CFH: variants seen among roughly 807,000 people sequenced by gnomAD.
CFH encodes complement factor H.
Under a neutral mutation model 147.3 loss-of-function variants are expected in CFH, and 53 were observed. That is an observed-to-expected ratio of 0.36 (90% CI 0.29 to 0.45). CFH has a LOEUF of 0.45. Ranked by LOEUF, CFH falls within the 20% of genes least tolerant of loss-of-function variation. The pLI is 1.00. For synonymous variants in CFH, 536 were observed against 489.4 expected (o/e 1.10, Z -1.26); for missense variants, 1,380 against 1,498.0 (o/e 0.92, Z 1.30).
intron 9 of CFH, among the ~76,000 whole-genome samples, chr1:196,696,040 T>C (rs1376842054): frequency 1.3e-5 from 2 of 152,086 alleles, no homozygotes; most frequent in African/African-American, 4.8e-5. Flanking sequence ...CAATACTATG[T>C]CCATCCTAGA....
chr1:196,665,794 A>G (rs754629938), intron 1 of CFH, among the ~76,000 whole-genome samples: 5 of 152,068 alleles, frequency 3.3e-5, no homozygotes, highest in Non-Finnish European at 5.9e-5. Flanking sequence ...TTTAGTAGAG[A>G]CGGGGTTTCG....
intron 9 of CFH, 144 bp downstream of exon 9, chr1:196,690,383 C>A: frequency 8.9e-7 from 1 of 1,122,110 alleles, no homozygotes; most frequent in Non-Finnish European, 1.3e-6. Context: ...TTTGGTTTTT[C>A]AACTGTGTAT....
At chr1:196,685,638 A>G (rs1161597354) in intron 7 of CFH, among the ~76,000 whole-genome samples, 1 of 152,130 alleles carries the variant, frequency 6.6e-6, no homozygotes, top group Non-Finnish European at 1.5e-5. Flanking sequence ...TTATATAAGT[A>G]GTTGTGAATC....
chr1:196,673,236 A>T, intron 2 of CFH, 73 bp downstream of exon 2: 1 of 1,291,346 alleles, frequency 7.7e-7, no homozygotes, highest in Non-Finnish European at 1.1e-6. Flanking sequence ...TATTGTAGCA[A>T]TTATGCCTGA....
intron 20 of CFH, among the ~76,000 whole-genome samples, 180 bp from the exon 21 acceptor site, chr1:196,745,637 G>T (rs926329985): frequency 6.6e-6 from 1 of 152,108 alleles, no homozygotes; most frequent in African/African-American, 2.4e-5. Context: ...ACGGAGAAAA[G>T]AACTTAAATA....
At chr1:196,736,625 A>T (rs1209348933) in intron 15 of CFH, among the ~76,000 whole-genome samples, 199 bp from the exon 16 acceptor site, 1 of 151,956 alleles carries the variant, frequency 6.6e-6, no homozygotes, top group Non-Finnish European at 1.5e-5. Context: ...GTTTAATGTA[A>T]CTGTTACACA....
chr1:196,686,877 A>G (rs1667846858), intron 7 of CFH, among the ~76,000 whole-genome samples: 1 of 152,108 alleles, frequency 6.6e-6, no homozygotes, highest in African/African-American at 2.4e-5. Flanking sequence ...TTTTAATTTC[A>G]TTAAATAACC....
At chr1:196,718,393 C>A (rs145409544) in intron 11 of CFH, among the ~76,000 whole-genome samples, 1 of 151,980 alleles carries the variant, frequency 6.6e-6, no homozygotes, top group South Asian at 2.1e-4. Flanking sequence ...TGGTTGAAAG[C>A]CATTTGTTAT....
At position 196,694,462 on chromosome 1, in the gene CFH, CAT is replaced by C. The variant is rs563647200; in HGVS notation, c.1336+4226_1336+4227del. Among the ~76,000 whole-genome samples, 272 of 152,300 alleles carry C rather than the reference CAT, an allele frequency of 1.8e-3. 1 individual carries two copies. The highest frequency in any genetic ancestry group is 2.4e-3 in the Non-Finnish European group (161 of 68,036). On this transcript the variant is annotated intron_variant, in intron 9 of 21. Coordinates refer to ENST00000367429, the MANE Select transcript of CFH (RefSeq NM_000186.4). ...CTACTGCAAATGGTGCTGTGATAAA[CAT>C]ATGTGTGCATGTGCCTTTATAGTAG... is the stretch of plus-strand genomic sequence containing the variant.
At chr1:196,669,100 A>G (rs889574588) in intron 1 of CFH, among the ~76,000 whole-genome samples, 2 of 152,198 alleles carry the variant, frequency 1.3e-5, no homozygotes, top group African/African-American at 4.8e-5. Context: ...GAGCTGGATC[A>G]AAGATCACTC....
At chr1:196,669,614 T>G (rs918559851) in intron 1 of CFH, among the ~76,000 whole-genome samples, 2 of 152,120 alleles carry the variant, frequency 1.3e-5, no homozygotes, top group African/African-American at 4.8e-5. Context: ...GTTGGTCCTG[T>G]GGGTACACAG....
In CFH at chr1:196,689,265, T is replaced by A. The variant is rs563994730; in HGVS notation, c.965-155T>A. ...ACCTTCTTGTTACATATCTCAGTCA[T>A]CTGAGTTCTATCATTTGTTTTGACC... On this transcript the variant is annotated intron_variant, in intron 7 of 21. Transcript: ENST00000367429. Among the ~76,000 whole-genome samples the A allele has an allele frequency of 1.7e-3, 262 of 152,282 alleles. 1 individual carries two copies. The highest frequency in any genetic ancestry group is 6.8e-3 in the Middle Eastern group (2 of 294).
rs1334972028 is a variant in CFH, at chr1:196,692,895, C to CT, written c.1336+2657dup. On this transcript the variant is annotated intron_variant, in intron 9 of 21. Coordinates refer to ENST00000367429, the MANE Select transcript of CFH (RefSeq NM_000186.4). ...CTCTGTCACCTCCCTCCCTCCCTCC[C>CT]TCCCTCCCTTCCTTCCTTCCTTCCT... Among the ~76,000 whole-genome samples, 69 of 134,178 alleles carry CT rather than the reference C, an allele frequency of 5.1e-4. 4 individuals carry two copies. Among genetic ancestry groups the CT allele is most frequent in the African/African-American group, 1.5e-3 (54 of 34,942 alleles). 88.0% of individuals were successfully genotyped at this position (134,178 alleles called of 152,430 possible). A position where few individuals can be genotyped will look rare whatever the true frequency, so the allele number is the denominator to read the frequency against.
chr1:196,714,873 G>A (rs1040411103), intron 10 of CFH, among the ~76,000 whole-genome samples: 12 of 150,402 alleles, frequency 8.0e-5, no homozygotes, highest in Admixed American at 3.3e-4. Context: ...CCTAATTTTC[G>A]TATTTTTAAT....
intron 4 of CFH, chr1:196,677,213 G>A (rs573233445): frequency 2.8e-6 from 1 of 354,382 alleles, no homozygotes; most frequent in Admixed American, 4.3e-5. Flanking sequence ...AAAAATACTA[G>A]TTTGTTACTA....
intron 1 of CFH, among the ~76,000 whole-genome samples, chr1:196,669,447 T>G (rs1433936006): frequency 6.6e-6 from 1 of 152,176 alleles, no homozygotes; most frequent in East Asian, 1.9e-4. Context: ...AAAAATGGTT[T>G]TGCAGGCCTG....
chr1:196,739,598 G>T (rs1480607631), intron 17 of CFH, among the ~76,000 whole-genome samples: 1 of 152,094 alleles, frequency 6.6e-6, no homozygotes, highest in Non-Finnish European at 1.5e-5. Context: ...ATATCACTGT[G>T]AGTATTTTGG....
intron 6 of CFH, among the ~76,000 whole-genome samples, chr1:196,683,595 G>A (rs1054770930): frequency 1.3e-5 from 2 of 151,750 alleles, no homozygotes; most frequent in Non-Finnish European, 3.0e-5. Flanking sequence ...ATCAATTTAA[G>A]AGTGTGGTTG....
chr1:196,725,243 A>T lies in CFH; in HGVS notation c.1819A>T (p.Asn607Tyr). 6.2e-7 allele frequency: 1 copy of T among 1,613,944 alleles called. No homozygotes were observed. Among genetic ancestry groups the T allele is most frequent in the South Asian group, 1.1e-5 (1 of 91,074 alleles). Reference protein sequence around the residue: ...CKPGFTIVGPNSVQCYHFGLS... With the variant: ...CKPGFTIVGPYSVQCYHFGLS... ...ACCAGGATTTACAATAGTTGGACCT[A>T]ATTCCGTTCAGTGCTACCACTTTGG... Residue 607 changes from asparagine (N) to tyrosine (Y), a missense_variant, in exon 12 of 22, where the codon AAT becomes TAT. This residue lies in a region of CFH where 830 missense variants were observed against 821.4 expected (regional missense o/e 1.01). Transcript: ENST00000367429.
Sources: allele counts gnomAD v4.1 joint callset (sites outside exome capture counted in the v4.1 genomes callset), GRCh38; gene constraint gnomAD v4.1.1; regional missense constraint gnomAD v4.1.1; transcripts MANE v1.5; gene names NCBI Gene and HGNC (gene_info 2026-07-23, HGNC 2026-07-21).